MGAT4C: variants seen among roughly 807,000 people sequenced by gnomAD.
MGAT4C encodes MGAT4 family member C.
A neutral mutation model predicts 40.1 loss-of-function variants in MGAT4C; 19 were observed. The observed-to-expected ratio is 0.47, with a 90% CI of 0.33 to 0.70. MGAT4C has a LOEUF of 0.70. Ranked by LOEUF, MGAT4C falls within the 30% of genes least tolerant of loss-of-function variation. MGAT4C has a pLI of 0.02. For missense variants in MGAT4C, 491 were observed against 563.2 expected (o/e 0.87, Z 1.30); for synonymous variants, 181 against 187.1 (o/e 0.97, Z 0.27).
intron 3 of MGAT4C, among the ~76,000 whole-genome samples, chr12:86,341,547 G>A (rs985037090): frequency 6.6e-6 from 1 of 152,222 alleles, no homozygotes; most frequent in Admixed American, 6.5e-5. Flanking sequence ...CACCTCACAA[G>A]ATTAGACCCA....
chr12:86,336,275 T>C (rs1375947239), intron 3 of MGAT4C, among the ~76,000 whole-genome samples: 2 of 152,186 alleles, frequency 1.3e-5, no homozygotes, highest in African/African-American at 2.4e-5. Flanking sequence ...TTCACCTAAT[T>C]TGCGAACAAT....
chr12:86,625,312 T>A (rs545945261), intron 2 of MGAT4C, among the ~76,000 whole-genome samples: 3 of 152,302 alleles, frequency 2.0e-5, no homozygotes, highest in African/African-American at 7.2e-5. Flanking sequence ...TCTTGAGTAG[T>A]ATTTTTATTG....
chr12:85,987,357 T>C (rs1432918998), intron 3 of MGAT4C, among the ~76,000 whole-genome samples: 1 of 151,746 alleles, frequency 6.6e-6, no homozygotes, highest in Non-Finnish European at 1.5e-5. Context: ...CGGGATGGTC[T>C]CGATCTCCTG....
At chr12:86,576,889 T>C (rs926726935) in intron 2 of MGAT4C, among the ~76,000 whole-genome samples, 4 of 151,922 alleles carry the variant, frequency 2.6e-5, no homozygotes, top group Admixed American at 1.3e-4. Context: ...AGGGATTGCA[T>C]TGAATCTGTA....
chr12:86,635,066 T>G (rs1247157069), intron 2 of MGAT4C, among the ~76,000 whole-genome samples: 2 of 152,142 alleles, frequency 1.3e-5, no homozygotes, highest in Non-Finnish European at 2.9e-5. Context: ...AGTATCTTTG[T>G]GCCTCCTATT....
chr12:86,425,952 CTCCAG>C (rs1249084619), intron 3 of MGAT4C, among the ~76,000 whole-genome samples: 7 of 152,076 alleles, frequency 4.6e-5, no homozygotes, highest in Non-Finnish European at 1.0e-4. Context: ...TAATCATATA[CTCCAG>C]TCCAGATTAT....
chr12:86,661,493 T>C (rs902284794), intron 2 of MGAT4C, among the ~76,000 whole-genome samples: 1 of 152,076 alleles, frequency 6.6e-6, no homozygotes, highest in Non-Finnish European at 1.5e-5. Context: ...AATATAAAAC[T>C]GTATGTTTTT....
At chr12:86,165,645 T>A (rs1438431462) in intron 1 of MGAT4C, among the ~76,000 whole-genome samples, 1 of 152,168 alleles carries the variant, frequency 6.6e-6, no homozygotes, top group Non-Finnish European at 1.5e-5. Flanking sequence ...AGAATTTTAT[T>A]GTCAAGTGCT....
At chr12:86,304,254 A>G (rs1953881575) in intron 4 of MGAT4C, among the ~76,000 whole-genome samples, 1 of 150,498 alleles carries the variant, frequency 6.6e-6, no homozygotes, top group South Asian at 2.1e-4. Context: ...TTTTGTTGCA[A>G]ACTTGTGTAA....
intron 1 of MGAT4C, among the ~76,000 whole-genome samples, chr12:86,246,479 ATT>A (rs1952034652): frequency 6.6e-6 from 1 of 152,174 alleles, no homozygotes; most frequent in Non-Finnish European, 1.5e-5. Flanking sequence ...TGAAAGAGTC[ATT>A]TTAAAAGAAT....
intron 3 of MGAT4C, among the ~76,000 whole-genome samples, chr12:86,416,069 A>T (rs948724689): frequency 2.0e-5 from 3 of 152,106 alleles, no homozygotes; most frequent in African/African-American, 4.8e-5. Flanking sequence ...AGAGGGATAT[A>T]TGTACACATT....
At chr12:86,327,922 C>T (rs897108665) in intron 4 of MGAT4C, among the ~76,000 whole-genome samples, 3 of 151,876 alleles carry the variant, frequency 2.0e-5, no homozygotes, top group Admixed American at 6.6e-5. Flanking sequence ...TTTTTTCAAA[C>T]GTTTATTATT....
intron 2 of MGAT4C, among the ~76,000 whole-genome samples, chr12:86,672,836 C>T (rs1964294633): frequency 6.6e-6 from 1 of 151,764 alleles, no homozygotes; most frequent in Non-Finnish European, 1.5e-5. Context: ...TCATTTTTAC[C>T]GCAGACTTCA....
intron 1 of MGAT4C, among the ~76,000 whole-genome samples, chr12:86,747,930 T>C (rs1951177899): frequency 6.6e-6 from 1 of 151,586 alleles, no homozygotes; most frequent in Non-Finnish European, 1.5e-5. Context: ...GCTAAAGTCT[T>C]TAACAGTTAG....
At chr12:86,004,432 TTA>T (rs1296081457) in intron 2 of MGAT4C, among the ~76,000 whole-genome samples, 1 of 152,184 alleles carries the variant, frequency 6.6e-6, no homozygotes, top group Non-Finnish European at 1.5e-5. Context: ...TGAACTCTCA[TTA>T]TATGTTAATT....
chr12:86,058,969 A>C (rs1354433209), intron 1 of MGAT4C, among the ~76,000 whole-genome samples: 1 of 152,190 alleles, frequency 6.6e-6, no homozygotes, highest in Non-Finnish European at 1.5e-5. Context: ...AATATTTTAC[A>C]CCAACATCTT....
chr12:86,161,796 A>T (rs1012106573), intron 1 of MGAT4C, among the ~76,000 whole-genome samples: 1 of 152,118 alleles, frequency 6.6e-6, no homozygotes, highest in Non-Finnish European at 1.5e-5. Context: ...AGGGGACTTA[A>T]ATCAACAAGC....
chr12:86,088,343 C>G (rs1425685440), intron 1 of MGAT4C, among the ~76,000 whole-genome samples: 6 of 152,022 alleles, frequency 3.9e-5, no homozygotes, highest in Non-Finnish European at 7.4e-5. Flanking sequence ...ATGCCACAAG[C>G]AATTGCAACA....
chr12:86,269,013 CATATATATATATATAT>C (rs60328579), intron 4 of MGAT4C, among the ~76,000 whole-genome samples: 3,643 of 74,752 alleles, frequency 0.049, 243 homozygotes, highest in East Asian at 0.11. Context: ...TTCATACTTA[CATATATATATATATAT>C]ATATATATAT....
Sources: allele counts gnomAD v4.1 joint callset (sites outside exome capture counted in the v4.1 genomes callset), GRCh38; gene constraint gnomAD v4.1.1; transcripts MANE v1.5; gene names NCBI Gene and HGNC (gene_info 2026-07-23, HGNC 2026-07-21).